Variants in SCFD2 observed in about 807,000 individuals in gnomAD.
SCFD2 encodes the protein sec1 family domain containing 2.
Under a neutral mutation model 58.9 loss-of-function variants are expected in SCFD2, and 54 were observed. The observed-to-expected ratio is 0.92, with a 90% confidence interval of 0.74 to 1.15. SCFD2 has a LOEUF of 1.15. SCFD2 is among the 50% of genes most tolerant of loss of function. SCFD2 has a pLI of 0.00. For missense variants in SCFD2, 805 were observed against 836.6 expected (o/e 0.96, Z 0.47); for synonymous variants, 321 against 335.9 (o/e 0.96, Z 0.49).
intron 4 of SCFD2, among the ~76,000 whole-genome samples, chr4:53,195,672 G>A (rs1728037173): frequency 1.3e-5 from 2 of 152,126 alleles, no homozygotes; most frequent in African/African-American, 4.8e-5. Context: ...TGAAGAAATC[G>A]TACGAACAAC....
intron 5 of SCFD2, among the ~76,000 whole-genome samples, chr4:53,006,632 A>T (rs1721975957): frequency 6.6e-6 from 1 of 152,216 alleles, no homozygotes; most frequent in Non-Finnish European, 1.5e-5. Context: ...ATTGAGTATA[A>T]CCTGTTCTGT....
intron 5 of SCFD2, among the ~76,000 whole-genome samples, chr4:53,043,580 G>A (rs1171660746): frequency 6.6e-6 from 1 of 152,138 alleles, no homozygotes; most frequent in Non-Finnish European, 1.5e-5. Flanking sequence ...GAGGGTCAGA[G>A]CAGTGGAAGG....
chr4:53,135,668 G>A (rs199683259), intron 5 of SCFD2, among the ~76,000 whole-genome samples: 2 of 152,058 alleles, frequency 1.3e-5, no homozygotes, highest in East Asian at 3.9e-4. Flanking sequence ...CTGGAATCCA[G>A]GAGGCAGAGG....
intron 4 of SCFD2, among the ~76,000 whole-genome samples, chr4:53,255,175 C>A (rs1031192481): frequency 7.1e-6 from 1 of 141,466 alleles, no homozygotes; most frequent in Non-Finnish European, 1.6e-5. Context: ...CCAGCAAATA[C>A]TTCCTATTCT....
chr4:53,275,755 G>A (rs1731307802), intron 3 of SCFD2, among the ~76,000 whole-genome samples: 1 of 152,102 alleles, frequency 6.6e-6, no homozygotes, highest in South Asian at 2.1e-4. Flanking sequence ...TTTCTAGAGT[G>A]TCACATAAAT....
intron 5 of SCFD2, among the ~76,000 whole-genome samples, chr4:52,997,121 C>T (rs369627372): frequency 1.3e-5 from 2 of 152,194 alleles, no homozygotes; most frequent in African/African-American, 2.4e-5. Context: ...CCTTATTCCC[C>T]CAGACTGAGG....
At chr4:52,980,802 T>C (rs1054303919) in intron 5 of SCFD2, among the ~76,000 whole-genome samples, 4 of 152,130 alleles carry the variant, frequency 2.6e-5, no homozygotes, top group African/African-American at 9.7e-5. Flanking sequence ...CAGAAGCACT[T>C]TGTTACCCCA....
intron 5 of SCFD2, among the ~76,000 whole-genome samples, chr4:53,099,477 A>G (rs927952299): frequency 6.6e-6 from 1 of 152,192 alleles, no homozygotes; most frequent in African/African-American, 2.4e-5. Context: ...TTTATCAAGA[A>G]AAGAGGTTTA....
rs565005485 is a variant in SCFD2, at chr4:53,250,524, C to T, written c.1311+23302G>A. ...GCTCTCCTCAGCAAATGTAAAAGAA[C>T]AGAAATTATAACAAACTGTCTCTCA... On this transcript the variant is annotated intron_variant, in intron 4 of 8. Transcript: ENST00000401642. Among the ~76,000 whole-genome samples, 239 of 152,266 alleles carry T rather than the reference C, an allele frequency of 1.6e-3. 3 individuals carry two copies. The highest frequency in any genetic ancestry group is 8.9e-3 in the South Asian group (43 of 4,822).
chr4:53,131,394 G>A (rs1725782862), intron 5 of SCFD2, among the ~76,000 whole-genome samples: 1 of 152,152 alleles, frequency 6.6e-6, no homozygotes, highest in African/African-American at 2.4e-5. Flanking sequence ...GTGTATCAAA[G>A]GAAATAGAAA....
intron 4 of SCFD2, among the ~76,000 whole-genome samples, chr4:53,173,042 A>C (rs1408126129): frequency 6.6e-6 from 1 of 152,136 alleles, no homozygotes; most frequent in Non-Finnish European, 1.5e-5. Context: ...GTTAGGTACA[A>C]TATATTTATA....
At chr4:53,199,097 T>C (rs150076782) in intron 4 of SCFD2, among the ~76,000 whole-genome samples, 400 of 152,144 alleles carry the variant, frequency 2.6e-3, no homozygotes, top group African/African-American at 9.2e-3. Flanking sequence ...ACTTAACTAG[T>C]TTGAGGGGCC....
At chr4:52,993,729 A>G (rs1721675761) in intron 5 of SCFD2, among the ~76,000 whole-genome samples, 1 of 152,256 alleles carries the variant, frequency 6.6e-6, no homozygotes, top group Admixed American at 6.5e-5. Flanking sequence ...TCCAAACTCC[A>G]ATGATAAAAA....
At chr4:53,278,385 G>A (rs1638770022) in intron 3 of SCFD2, among the ~76,000 whole-genome samples, 2 of 149,690 alleles carry the variant, frequency 1.3e-5, no homozygotes, top group South Asian at 4.3e-4. Context: ...AAAAAAGAAA[G>A]AGAAAAATTA....
chr4:53,104,589 G>A (rs1479549941), intron 5 of SCFD2, among the ~76,000 whole-genome samples: 2 of 152,138 alleles, frequency 1.3e-5, no homozygotes, highest in African/African-American at 4.8e-5. Context: ...ATTGTTACTT[G>A]TAAATGTACC....
At chr4:53,237,865 CCCAT>C (rs1342180202) in intron 4 of SCFD2, among the ~76,000 whole-genome samples, 8 of 20,038 alleles carry the variant, frequency 4.0e-4, no homozygotes, top group East Asian at 1.6e-3. Context: ...GCGCCCCCCA[CCCAT>C]CTCCCTCCCT....
At chr4:53,031,321 T>C (rs574862402) in intron 5 of SCFD2, among the ~76,000 whole-genome samples, 1 of 152,256 alleles carries the variant, frequency 6.6e-6, no homozygotes, top group East Asian at 1.9e-4. Flanking sequence ...GCAAAAAGGA[T>C]GAAAATTCCA....
intron 5 of SCFD2, among the ~76,000 whole-genome samples, chr4:53,091,207 G>C (rs1724459776): frequency 6.6e-6 from 1 of 152,032 alleles, no homozygotes; most frequent in Non-Finnish European, 1.5e-5. Flanking sequence ...TGTCTCTGAA[G>C]ATTGCTGAAA....
chr4:53,246,165 A>G (rs1730063401), intron 4 of SCFD2, among the ~76,000 whole-genome samples: 1 of 152,208 alleles, frequency 6.6e-6, no homozygotes, highest in Non-Finnish European at 1.5e-5. Context: ...TACAATGAGA[A>G]TTACAAAACA....
Sources: allele counts gnomAD v4.1 joint callset (sites outside exome capture counted in the v4.1 genomes callset), GRCh38; gene constraint gnomAD v4.1.1; transcripts MANE v1.5; gene names NCBI Gene and HGNC (gene_info 2026-07-23, HGNC 2026-07-21).